The following DSCAM variants were observed in gnomAD, a reference collection of about 807,000 sequenced individuals.
DSCAM encodes DS cell adhesion molecule, also known as cell adhesion molecule DSCAM.
DSCAM carries 47 observed loss-of-function variants against 217.7 expected under a neutral mutation model. That is an observed-to-expected ratio of 0.22 (90% CI 0.17 to 0.28). DSCAM has a LOEUF of 0.28. Ranked by LOEUF, DSCAM falls within the 10% of genes least tolerant of loss-of-function variation. DSCAM has a pLI of 1.00. For synonymous variants in DSCAM, 1,056 were observed against 1,015.3 expected (o/e 1.04, Z -0.76); for missense variants, 2,080 against 2,618.3 (o/e 0.79, Z 4.49).
intron 1 of DSCAM, among the ~76,000 whole-genome samples, chr21:40,725,921 C>T (rs1048665744): frequency 6.6e-6 from 1 of 152,062 alleles, no homozygotes; most frequent in Non-Finnish European, 1.5e-5. Flanking sequence ...CTCATGTACC[C>T]TTCTTCAAAA....
At chr21:40,278,732 AGAGAAG>A (rs1206012369) in intron 10 of DSCAM, among the ~76,000 whole-genome samples, 1 of 151,870 alleles carries the variant, frequency 6.6e-6, no homozygotes, top group Non-Finnish European at 1.5e-5. Context: ...AAGAGGAGGA[AGAGAAG>A]GAGGAGGAGG....
At chr21:40,768,158 G>C (rs1190089758) in intron 1 of DSCAM, among the ~76,000 whole-genome samples, 2 of 152,134 alleles carry the variant, frequency 1.3e-5, no homozygotes, top group Non-Finnish European at 2.9e-5. Context: ...AGAAAACATG[G>C]TCACCCCTGC....
rs1198386822 is a variant in DSCAM, at chr21:40,585,432, A to G, written c.508+107378T>C. 9.9e-4 allele frequency among the ~76,000 whole-genome samples: 45 copies of G among 45,568 alleles called. 1 individual carries two copies. The highest frequency in any genetic ancestry group is 2.4e-3 in the Non-Finnish European group (38 of 15,664). 29.9% of individuals were successfully genotyped at this position (45,568 alleles called of 152,430 possible). A position where few individuals can be genotyped will look rare whatever the true frequency, so the allele number is the denominator to read the frequency against. On this transcript the variant is annotated intron_variant, in intron 3 of 32. Coordinates refer to ENST00000400454, the MANE Select transcript of DSCAM (RefSeq NM_001389.5). ...AAGACTCCGTCTCAAAAAAAAAAAA[A>G]AAAAAAAAAAAGAAAAATGCTTAAA... is the stretch of plus-strand genomic sequence containing the variant.
chr21:40,283,333 C>T (rs1381251537), intron 10 of DSCAM, among the ~76,000 whole-genome samples: 1 of 152,178 alleles, frequency 6.6e-6, no homozygotes. Flanking sequence ...TTTTCTGTGG[C>T]TAGCAGGGGT....
At chr21:40,822,530 CT>C (rs1569054276) in intron 1 of DSCAM, among the ~76,000 whole-genome samples, 1 of 151,710 alleles carries the variant, frequency 6.6e-6, no homozygotes, top group Admixed American at 6.6e-5. Flanking sequence ...CATATTTATA[CT>C]GTGCTTATCT....
intron 21 of DSCAM, among the ~76,000 whole-genome samples, chr21:40,090,352 A>G: frequency 6.6e-6 from 1 of 151,792 alleles, no homozygotes; most frequent in East Asian, 1.9e-4. Flanking sequence ...CTTCCAGGTG[A>G]TGTGTGTTGA....
intron 1 of DSCAM, among the ~76,000 whole-genome samples, chr21:40,768,054 A>C (rs748375155): frequency 6.6e-6 from 1 of 152,218 alleles, no homozygotes; most frequent in Non-Finnish European, 1.5e-5. Flanking sequence ...CTTATAAAAC[A>C]CTCTAAAGTT....
chr21:40,024,086 T>C (rs1438919770), intron 32 of DSCAM, among the ~76,000 whole-genome samples: 2 of 67,456 alleles, frequency 3.0e-5, no homozygotes, highest in Non-Finnish European at 6.1e-5. Flanking sequence ...TTTCTACATA[T>C]GGCTAGCCAG....
chr21:40,442,789 C>T (rs781274329), intron 3 of DSCAM, among the ~76,000 whole-genome samples: 14 of 152,044 alleles, frequency 9.2e-5, no homozygotes, highest in Non-Finnish European at 1.3e-4. Flanking sequence ...GGATTACAGA[C>T]GTGAGCCACC....
intron 3 of DSCAM, among the ~76,000 whole-genome samples, chr21:40,556,596 A>G (rs879761722): frequency 2.0e-5 from 3 of 152,168 alleles, no homozygotes; most frequent in Non-Finnish European, 4.4e-5. Flanking sequence ...GCTTCCACTC[A>G]TGGTGGAAGG....
intron 3 of DSCAM, among the ~76,000 whole-genome samples, chr21:40,411,164 C>T (rs1197090510): frequency 7.6e-6 from 1 of 131,114 alleles, no homozygotes. Flanking sequence ...TGAAGATAGA[C>T]AGTAATTATA....
chr21:40,822,740 G>T (rs960027241), intron 1 of DSCAM, among the ~76,000 whole-genome samples: 1 of 152,112 alleles, frequency 6.6e-6, no homozygotes, highest in African/African-American at 2.4e-5. Context: ...GTTGAGATGG[G>T]TATATACAAT....
chr21:40,746,198 C>G (rs954335647), intron 1 of DSCAM, among the ~76,000 whole-genome samples: 1 of 151,444 alleles, frequency 6.6e-6, no homozygotes, highest in Non-Finnish European at 1.5e-5. Context: ...AGTAAAGCCC[C>G]ACCTAACAAT....
At chr21:40,303,652 T>C (rs962394564) in intron 9 of DSCAM, among the ~76,000 whole-genome samples, 22 of 152,234 alleles carry the variant, frequency 1.4e-4, no homozygotes, top group African/African-American at 4.8e-4. Context: ...GCACCTATTA[T>C]AAAACAAATA....
At chr21:40,560,147 T>C (rs563434693) in intron 3 of DSCAM, among the ~76,000 whole-genome samples, 1 of 152,272 alleles carries the variant, frequency 6.6e-6, no homozygotes, top group African/African-American at 2.4e-5. Context: ...CCACGATTGC[T>C]CTTTCTACAC....
intron 3 of DSCAM, among the ~76,000 whole-genome samples, chr21:40,512,787 C>T (rs1409783290): frequency 6.6e-6 from 1 of 152,072 alleles, no homozygotes; most frequent in Non-Finnish European, 1.5e-5. Context: ...GACCCATTAA[C>T]GGCACAACTG....
intron 3 of DSCAM, among the ~76,000 whole-genome samples, chr21:40,603,353 T>C (rs992034801): frequency 3.3e-5 from 5 of 152,194 alleles, no homozygotes; most frequent in African/African-American, 9.6e-5. Flanking sequence ...TTTGATGGCA[T>C]TGTTACATAG....
intron 3 of DSCAM, among the ~76,000 whole-genome samples, chr21:40,648,400 C>A (rs1000297458): frequency 1.4e-4 from 21 of 152,000 alleles, no homozygotes; most frequent in African/African-American, 5.1e-4. Flanking sequence ...CCCAAGCTGA[C>A]GTCCGTGGCT....
intron 11 of DSCAM, among the ~76,000 whole-genome samples, chr21:40,270,708 T>C (rs2073604126): frequency 6.6e-6 from 1 of 151,552 alleles, no homozygotes; most frequent in Non-Finnish European, 1.5e-5. Flanking sequence ...CTGGGAAACA[T>C]GTGGGGTTAA....
Sources: gnomAD v4.1 joint callset for allele counts (sites outside exome capture counted in the v4.1 genomes callset) on GRCh38, gnomAD v4.1.1 for gene constraint, MANE v1.5 for transcripts, NCBI Gene and HGNC (gene_info 2026-07-23, HGNC 2026-07-21) for gene names.